CEP44: variants seen among roughly 807,000 people sequenced by gnomAD.
CEP44 encodes the protein centrosomal protein of 44 kDa.
A neutral mutation model predicts 46.7 loss-of-function variants in CEP44; 45 were observed. That is an observed-to-expected ratio of 0.96 (90% CI 0.76 to 1.24). The LOEUF is 1.24. CEP44 is among the 50% of genes most tolerant of loss of function. The pLI, the probability that CEP44 is intolerant of heterozygous loss-of-function variation, is 0.00. For missense variants in CEP44, 475 were observed against 459.7 expected, an observed-to-expected ratio of 1.03 and a Z score of -0.30; for synonymous variants, 142 against 146.0, an observed-to-expected ratio of 0.97 and a Z score of 0.20.
Position 174,297,680 on chromosome 4 carries a change from G to GTGTA in CEP44, c.-147-283_-147-282insATGT, listed in dbSNP as rs1739214378. Reference sequence around the variant, plus strand: ...TGTGTGTGTGTGTGTGTGTGTGTGTGTGTGTTTTCATTAATACTTCTTTCT... The same window carrying GTGTA: ...TGTGTGTGTGTGTGTGTGTGTGTGTGTGTATGTGTTTTCATTAATACTTCTTTCT... On this transcript the variant is annotated intron_variant, in intron 1 of 11. Coordinates refer to ENST00000503780, the MANE Select transcript of CEP44 (RefSeq NM_001040157.3). The surrounding 1 kb of genome is among the most constrained non-coding windows in gnomAD (Gnocchi z 4.3). 7.1e-6 allele frequency among the ~76,000 whole-genome samples: 1 copy of GTGTA among 139,904 alleles called. No individual in the cohort carries two copies. The highest frequency in any genetic ancestry group is 1.6e-5 in the Non-Finnish European group (1 of 61,746). The allele number at this position is 139,904 out of a possible 152,430, so 91.8% of individuals were successfully genotyped here.
chr4:174,331,334 GTCT>G lies in CEP44; in HGVS notation c.1087-143_1087-141del, dbSNP rs1560929160. ...ATTGTCATTTCTCTTTGTTTGCTTG[GTCT>G]TCTTTAGGCATTATTTTCAGAGTAC... On this transcript the variant is annotated intron_variant, in intron 8 of 8. Coordinates refer to the CEP44 transcript ENST00000426172. The surrounding 1 kb of genome is among the most constrained non-coding windows in gnomAD (Gnocchi z 4.5). The G allele has an allele frequency of 2.3e-5, 16 of 689,920 alleles. No homozygotes were observed. Among genetic ancestry groups the G allele is most frequent in the South Asian group, 1.6e-4 (4 of 24,330 alleles). 42.7% of individuals were successfully genotyped at this position (689,920 alleles called of 1,614,324 possible). A position where few individuals can be genotyped will look rare whatever the true frequency, so the allele number is the denominator to read the frequency against.
chr4:174,318,269 G>C lies in CEP44; in HGVS notation c.*886G>C, dbSNP rs958191885. On this transcript the variant is annotated 3_prime_UTR_variant, in exon 12 of 12. Transcript: ENST00000503780. ...TTAGAGACAGGGTTTCTCCGTGTTGGTCAGGCTGGTCTCAAACTCCTGACC... is the reference window on the plus strand; with the variant it reads ...TTAGAGACAGGGTTTCTCCGTGTTGCTCAGGCTGGTCTCAAACTCCTGACC... 3.3e-6 allele frequency: 3 copies of C among 897,206 alleles called. No individual in the cohort carries two copies. Among genetic ancestry groups the C allele is most frequent in the South Asian group, 1.0e-4 (2 of 19,492 alleles). 55.6% of individuals were successfully genotyped at this position (897,206 alleles called of 1,614,324 possible).
In CEP44 at chr4:174,316,533, A is replaced by T. The variant is rs751229568; in HGVS notation, c.1090A>T (p.Thr364Ser). 1 of 1,586,772 alleles carries T rather than the reference A, an allele frequency of 6.3e-7. No homozygotes were observed. Among genetic ancestry groups the T allele is most frequent in the East Asian group, 2.2e-5 (1 of 44,672 alleles). ...TTTGTTGCTTTTTAAATTAAAGGAAACAACAATCCAGAAAATGGAAAGGAT... is the reference window on the plus strand; with the variant it reads ...TTTGTTGCTTTTTAAATTAAAGGAATCAACAATCCAGAAAATGGAAAGGAT... ...YCGLNEISEE[T>S]TIQKMERMKK... The change falls in exon 11 of 12, where the codon ACA becomes TCA. Residue 364 changes from threonine to serine, a missense_variant. Transcript: ENST00000503780.
Position 174,332,904 on chromosome 4 carries a change from G to A in CEP44, c.*1309G>A, listed in dbSNP as rs973214062. On this transcript the variant is annotated 3_prime_UTR_variant, in exon 9 of 9. Coordinates refer to the CEP44 transcript ENST00000426172. ...TTCCTGGGTTTGAGGGCTAGAAAAC[G>A]TGGAGACATTCCTTTCTAACTAACA... 4.6e-5 allele frequency: 7 copies of A among 152,152 alleles called. No individual in the cohort carries two copies. The East Asian group carries it at 7.7e-4, about 17-fold the overall frequency. 9.4% of individuals were successfully genotyped at this position (152,152 alleles called of 1,614,324 possible).
chr4:174,294,951 C>T (rs1274462776), intron 1 of CEP44, among the ~76,000 whole-genome samples: 2 of 145,848 alleles, frequency 1.4e-5, no homozygotes, highest in Non-Finnish European at 3.1e-5. Flanking sequence ...CCCCTCACCT[C>T]CTGGACGGGA....
chr4:174,315,772 C>T lies in CEP44; in HGVS notation c.962-394C>T, dbSNP rs1354294557. Among the ~76,000 whole-genome samples the T allele has an allele frequency of 4.0e-3, 580 of 145,264 alleles. 2 individuals carry two copies. Among genetic ancestry groups the T allele is most frequent in the Non-Finnish European group, 5.2e-3 (346 of 67,148 alleles). On this transcript the variant is annotated intron_variant, in intron 9 of 11. Transcript: ENST00000503780. ...AGGAGAATGGCGTGAACCCGGGAGG[C>T]GGAGCTTGCAGTGAGCCGAGATCGC...
rs1367822565 is a variant in CEP44, at chr4:174,317,790, A to C, written c.*407A>C. 57 of 986,628 alleles carry C rather than the reference A, an allele frequency of 5.8e-5. No homozygotes were observed. The highest frequency in any genetic ancestry group is 6.7e-5 in the Non-Finnish European group (56 of 830,530). The allele number at this position is 986,628 out of a possible 1,614,324, so 61.1% of individuals were successfully genotyped here. A position where few individuals can be genotyped will look rare whatever the true frequency, so the allele number is the denominator to read the frequency against. The stretch of plus-strand genomic sequence containing the variant: ...TGTATTATACCCAGGAGGCTCTCAT[A>C]TATACCATCTTGGCATCTGTACTGA... On this transcript the variant is annotated 3_prime_UTR_variant, in exon 12 of 12. Transcript: ENST00000503780.
At chr4:174,332,187 A>G (rs1731352836) in exon 9 of CEP44, 1 of 152,520 alleles carries the variant, frequency 6.6e-6, no homozygotes, top group Non-Finnish European at 1.5e-5. Context: ...AGAGCTGGGC[A>G]AGGCCAAGAC....
rs747929005 is a variant in CEP44, at chr4:174,303,850, G to A, written c.384+1G>A. 2.0e-6 allele frequency: 3 copies of A among 1,519,282 alleles called. No individual in the cohort carries two copies. The South Asian group carries it at 3.8e-5, about 19-fold the overall frequency. The allele number at this position is 1,519,282 out of a possible 1,614,324, so 94.1% of individuals were successfully genotyped here. A position where few individuals can be genotyped will look rare whatever the true frequency, so the allele number is the denominator to read the frequency against. On this transcript the variant is annotated splice_donor_variant, in intron 5 of 11. Coordinates refer to ENST00000503780, the MANE Select transcript of CEP44 (RefSeq NM_001040157.3). LOFTEE classifies it high-confidence loss of function. ...CAAGGAATTAAGCAGTCTTCAGAAG[G>A]TAATTTTATGAATAGATATTAATGC...
At chr4:174,306,472 G>A (rs1740414632) in intron 6 of CEP44, among the ~76,000 whole-genome samples, 1 of 151,682 alleles carries the variant, frequency 6.6e-6, no homozygotes, top group African/African-American at 2.4e-5. Flanking sequence ...ATCTTGTTTT[G>A]TCTTTATTTT....
chr4:174,295,434 G>A (rs1317003123), intron 1 of CEP44, among the ~76,000 whole-genome samples: 1 of 151,826 alleles, frequency 6.6e-6, no homozygotes, highest in Non-Finnish European at 1.5e-5. Context: ...TGGGATGGTG[G>A]CCAGGAAGAG....
At chr4:174,317,184 TC>T (rs1199900271) in intron 11 of CEP44, 150 bp from the exon 12 acceptor site, 2 of 345,168 alleles carry the variant, frequency 5.8e-6, no homozygotes, top group Non-Finnish European at 1.1e-5. Context: ...TTCCCTCTGG[TC>T]ATACTTAAGT....
In CEP44 at chr4:174,310,538, G is replaced by A. The variant is rs1252878548; in HGVS notation, c.886-245G>A. 6.6e-6 allele frequency among the ~76,000 whole-genome samples: 1 copy of A among 151,384 alleles called. No individual in the cohort carries two copies. Among genetic ancestry groups the A allele is most frequent in the Non-Finnish European group, 1.5e-5 (1 of 67,736 alleles). ...TGAGAAATTTGTTTTTTTTTACTCA[G>A]GATTTCAATTTCTGGTCTGTCTTTC... On this transcript the variant is annotated intron_variant, in intron 8 of 11. Transcript: ENST00000503780. The surrounding 1 kb of genome is among the most constrained non-coding windows in gnomAD (Gnocchi z 4.2).
intron 1 of CEP44, among the ~76,000 whole-genome samples, chr4:174,292,335 T>C (rs1738331006): frequency 6.6e-6 from 1 of 152,198 alleles, no homozygotes; most frequent in Non-Finnish European, 1.5e-5. Flanking sequence ...TGTCTATTGG[T>C]ACAGACCTCT....
intron 6 of CEP44, 61 bp from the exon 7 acceptor site, chr4:174,308,628 A>T (rs1740716276): frequency 1.3e-6 from 2 of 1,523,664 alleles, no homozygotes; most frequent in Non-Finnish European, 1.8e-6. Flanking sequence ...TAAAAGTTAA[A>T]AAATAAATAA....
rs1208475011 is a variant in CEP44 at position 174,331,177 on chromosome 4, A to G, written c.1087-305A>G. ...ATTAGATCTCATAATTATGTTACCAATTTTTTAATTAAAGTAAGACAATTG... is the reference window on the plus strand; with the variant it reads ...ATTAGATCTCATAATTATGTTACCAGTTTTTTAATTAAAGTAAGACAATTG... On this transcript the variant is annotated intron_variant, in intron 8 of 8. Transcript: ENST00000426172. The surrounding 1 kb of genome is among the most constrained non-coding windows in gnomAD (Gnocchi z 4.5). 2.0e-5 allele frequency among the ~76,000 whole-genome samples: 3 copies of G among 151,670 alleles called. No homozygotes were observed. Among genetic ancestry groups the G allele is most frequent in the African/African-American group, 7.3e-5 (3 of 41,304 alleles).
rs1044035326 is a variant in CEP44 at position 174,326,772 on chromosome 4, G to T, written c.1087-4710G>T. On this transcript the variant is annotated intron_variant, in intron 8 of 8. Transcript: ENST00000426172. The surrounding 1 kb of genome is among the most constrained non-coding windows in gnomAD (Gnocchi z 4.8). ...AATTTTAGGTGAATAGGGATTTTTG[G>T]TTTTTTTGTTTGTTGTTTTTCATTC... Among the ~76,000 whole-genome samples, 5 of 151,760 alleles carry T rather than the reference G, an allele frequency of 3.3e-5. No homozygotes were observed. Among genetic ancestry groups the T allele is most frequent in the South Asian group, 2.1e-4 (1 of 4,826 alleles).
Position 174,297,651 on chromosome 4 carries a change from A to AGTGTGTGTGT in CEP44, c.-147-290_-147-281dup, listed in dbSNP as rs70947423. The stretch of plus-strand genomic sequence containing the variant: ...CTGAGATATAGGAAGAAACTTTATT[A>AGTGTGTGTGT]GTGTGTGTGTGTGTGTGTGTGTGTG... On this transcript the variant is annotated intron_variant, in intron 1 of 11. Coordinates refer to ENST00000503780, the MANE Select transcript of CEP44 (RefSeq NM_001040157.3). The surrounding 1 kb of genome is among the most constrained non-coding windows in gnomAD (Gnocchi z 4.3). 6.9e-4 allele frequency among the ~76,000 whole-genome samples: 103 copies of AGTGTGTGTGT among 149,066 alleles called. No individual in the cohort carries two copies. The highest frequency in any genetic ancestry group is 2.0e-3 in the East Asian group (10 of 4,992).
At chr4:174,294,687 T>C (rs1738658859) in intron 1 of CEP44, among the ~76,000 whole-genome samples, 1 of 142,814 alleles carries the variant, frequency 7.0e-6, no homozygotes, top group South Asian at 2.3e-4. Context: ...CCCCCCTACC[T>C]CCCTCCCGGA....
Sources: gnomAD v4.1 joint callset for allele counts (sites outside exome capture counted in the v4.1 genomes callset) on GRCh38, gnomAD v4.1.1 for gene constraint, Gnocchi (gnomAD v3.1) non-coding constraint, MANE v1.5 for transcripts, NCBI Gene and HGNC (gene_info 2026-07-23, HGNC 2026-07-21) for gene names.